WDR31: variants seen among roughly 807,000 people sequenced by gnomAD.
WDR31 encodes WD repeat-containing protein 31.
In WDR31, 30 loss-of-function variants were observed where a neutral mutation model predicts 47.3. The observed-to-expected ratio is 0.63, with a 90% confidence interval of 0.47 to 0.86. The LOEUF is 0.86. Among genes scored for constraint, WDR31 ranks in the 40% least tolerant of loss-of-function variants. The probability of loss-of-function intolerance (pLI) is 0.00; values close to 1 mark genes in which losing one functional copy is unlikely to be tolerated. For missense variants in WDR31, 406 were observed against 442.9 expected (o/e 0.92, Z 0.75); for synonymous variants, 137 against 159.4 (o/e 0.86, Z 1.06).
intron 10 of WDR31, 100 bp downstream of exon 10, chr9:113,318,375 T>C (rs1588038349): frequency 2.2e-6 from 3 of 1,379,632 alleles, no homozygotes; most frequent in Non-Finnish European, 3.0e-6. Context: ...TGGCAGAAGA[T>C]GGGTGGCTTT....
At chr9:113,330,435 C>T (rs1482077179) in intron 4 of WDR31, among the ~76,000 whole-genome samples, 1 of 152,124 alleles carries the variant, frequency 6.6e-6, no homozygotes, top group Non-Finnish European at 1.5e-5. Context: ...AAAGAATTAG[C>T]AGTTGTACTA....
chr9:113,339,883 C>T (rs1011977301), intron 1 of WDR31, among the ~76,000 whole-genome samples: 3 of 152,078 alleles, frequency 2.0e-5, no homozygotes, highest in Non-Finnish European at 4.4e-5. Context: ...TACAGGCGCA[C>T]GGCACCACTC....
rs1416813381 is a variant in WDR31 at position 113,320,512 on chromosome 9, G to C, written c.639-14C>G. ...CTGTCCCATAATCTGAAAGAGATTA[G>C]GGCAGGAAATTAGCTTGTAGTAAAT... On this transcript the variant is annotated splice_polypyrimidine_tract_variant and intron_variant, in intron 8 of 10. Coordinates refer to ENST00000374193, the MANE Select transcript of WDR31 (RefSeq NM_001012361.4). 6.2e-7 allele frequency: 1 copy of C among 1,610,988 alleles called. No individual in the cohort carries two copies. The highest frequency in any genetic ancestry group is 8.5e-7 in the Non-Finnish European group (1 of 1,178,326).
In WDR31 at chr9:113,316,616, T is replaced by C. The variant is rs1833206387; in HGVS notation, c.*133A>G. ...TAAATTATTGGACTTACAACACTGA[T>C]ACATCTTGTAAATGAACCTAAGCAA... On this transcript the variant is annotated 3_prime_UTR_variant, in exon 11 of 11. Transcript: ENST00000374193. The C allele has an allele frequency of 8.9e-7, 1 of 1,120,422 alleles. No homozygotes were observed. Among genetic ancestry groups the C allele is most frequent in the Non-Finnish European group, 1.3e-6 (1 of 796,982 alleles). The allele number at this position is 1,120,422 out of a possible 1,614,324, so 69.4% of individuals were successfully genotyped here. A position where few individuals can be genotyped will look rare whatever the true frequency, so the allele number is the denominator to read the frequency against.
intron 8 of WDR31, 179 bp downstream of exon 8, chr9:113,321,332 C>T (rs989969269): frequency 3.2e-6 from 2 of 619,782 alleles, no homozygotes. Context: ...CACACAACCT[C>T]TACCTTAATG....
chr9:113,334,370 A>C (rs1261698947), intron 2 of WDR31, among the ~76,000 whole-genome samples: 1 of 152,170 alleles, frequency 6.6e-6, no homozygotes, highest in Non-Finnish European at 1.5e-5. Flanking sequence ...ATTTGCAAAA[A>C]CATAAAGCAA....
chr9:113,319,465 T>C (rs1833279664), intron 9 of WDR31, among the ~76,000 whole-genome samples: 1 of 152,188 alleles, frequency 6.6e-6, no homozygotes, highest in Non-Finnish European at 1.5e-5. Flanking sequence ...GGAATTATAA[T>C]AGTACCTAAC....
chr9:113,326,082 T>C (rs1451121589), intron 5 of WDR31, among the ~76,000 whole-genome samples: 1 of 152,178 alleles, frequency 6.6e-6, no homozygotes, highest in Non-Finnish European at 1.5e-5. Flanking sequence ...TGGCTAATTT[T>C]TTATTTTTAG....
At chr9:113,332,144 A>G in intron 2 of WDR31, 94 bp from the exon 3 acceptor site, 2 of 880,904 alleles carry the variant, frequency 2.3e-6, no homozygotes, top group Non-Finnish European at 1.7e-6. Context: ...AATTAATTGT[A>G]TGCTTTTGCT....
intron 8 of WDR31, 68 bp from the exon 9 acceptor site, chr9:113,320,566 C>T: frequency 6.4e-7 from 1 of 1,554,734 alleles, no homozygotes; most frequent in Non-Finnish European, 8.7e-7. Flanking sequence ...TATTGTCCCA[C>T]TACCAAAAAA....
chr9:113,324,023 G>A (rs1054734073), intron 5 of WDR31, among the ~76,000 whole-genome samples: 1 of 148,314 alleles, frequency 6.7e-6, no homozygotes, highest in African/African-American at 2.4e-5. Flanking sequence ...CTCTTCCATC[G>A]TGTTTCTTTT....
intron 9 of WDR31, among the ~76,000 whole-genome samples, chr9:113,319,940 T>G (rs994338344): frequency 6.6e-6 from 1 of 152,166 alleles, no homozygotes; most frequent in African/African-American, 2.4e-5. Flanking sequence ...AGTTGATGAA[T>G]GTTTCTTTTA....
At position 113,315,818 on chromosome 9, in the gene WDR31, G is replaced by C. The variant is rs564518970; in HGVS notation, c.*931C>G. On this transcript the variant is annotated 3_prime_UTR_variant, in exon 11 of 11. Transcript: ENST00000374193. ...AGTAGCTGGGACTACAGGCACGCAC[G>C]TACAGGCTGGTCTTGAACTCCTGAC... 1.3e-5 allele frequency: 2 copies of C among 152,146 alleles called. No homozygotes were observed. Among genetic ancestry groups the C allele is most frequent in the South Asian group, 4.2e-4 (2 of 4,808 alleles). 9.4% of individuals were successfully genotyped at this position (152,146 alleles called of 1,614,324 possible).
At chr9:113,339,283 A>G (rs755999522) in intron 1 of WDR31, among the ~76,000 whole-genome samples, 14 of 152,204 alleles carry the variant, frequency 9.2e-5, no homozygotes, top group Non-Finnish European at 2.1e-4. Flanking sequence ...TTCCATGAAG[A>G]AACTGGGACT....
rs771720418 is a variant in WDR31 at position 113,323,067 on chromosome 9, G to A, written c.413C>T (p.Pro138Leu). 1 of 1,614,138 alleles carries A rather than the reference G, an allele frequency of 6.2e-7. No homozygotes were observed. Among genetic ancestry groups the A allele is most frequent in the Non-Finnish European group, 8.5e-7 (1 of 1,180,016 alleles). The part of the protein sequence containing the change: ...MMWDLHGSSQ[P>L]RQQLCGHAMV... Reference sequence around the variant, plus strand: ...GGCATGGCCACACAATTGCTGCCTTGGTTGTGAGGAACCGTGCAAGTCCCA... The same window carrying A: ...GGCATGGCCACACAATTGCTGCCTTAGTTGTGAGGAACCGTGCAAGTCCCA... The change falls in exon 6 of 11, where the codon CCA becomes CTA. Residue 138 changes from proline to leucine, a missense_variant. Physicochemically the swap from Pro to Leu is moderately conservative, Grantham distance 98 (BLOSUM62 -3). Transcript: ENST00000374193.
At chr9:113,325,536 G>A (rs1483139671) in intron 5 of WDR31, among the ~76,000 whole-genome samples, 1 of 151,564 alleles carries the variant, frequency 6.6e-6, no homozygotes, top group African/African-American at 2.4e-5. Flanking sequence ...TGATACCTCT[G>A]TATATGTATT....
intron 10 of WDR31, 94 bp downstream of exon 10, chr9:113,318,381 G>T: frequency 1.4e-6 from 2 of 1,442,728 alleles, no homozygotes; most frequent in Non-Finnish European, 1.9e-6. Flanking sequence ...AAGATGGGTG[G>T]CTTTGTAATG....
chr9:113,319,866 T>C lies in WDR31; in HGVS notation c.780+491A>G, dbSNP rs185480334. ...GACATCAGCAGGCTGGTTCTGTGTTTAGCTCCTCCCCATCTTGACTCTCAT... is the reference window on the plus strand; with the variant it reads ...GACATCAGCAGGCTGGTTCTGTGTTCAGCTCCTCCCCATCTTGACTCTCAT... On this transcript the variant is annotated intron_variant, in intron 9 of 10. Coordinates refer to ENST00000374193, the MANE Select transcript of WDR31 (RefSeq NM_001012361.4). Among the ~76,000 whole-genome samples the C allele has an allele frequency of 2.2e-3, 340 of 152,326 alleles. 4 individuals carry two copies. Among genetic ancestry groups the C allele is most frequent in the Admixed American group, 0.016 (252 of 15,298 alleles).
At chr9:113,318,682 T>G (rs1833264426) in intron 9 of WDR31, 45 bp from the exon 10 acceptor site, 4 of 1,603,742 alleles carry the variant, frequency 2.5e-6, no homozygotes, top group Non-Finnish European at 3.4e-6. Context: ...CTTGTCTAGC[T>G]TCATCCATGA....
Sources: allele counts gnomAD v4.1 joint callset (sites outside exome capture counted in the v4.1 genomes callset), GRCh38; gene constraint gnomAD v4.1.1; transcripts MANE v1.5; gene names NCBI Gene and HGNC (gene_info 2026-07-23, HGNC 2026-07-21).